TSC22D2: variants seen among roughly 807,000 people sequenced by gnomAD.
The protein encoded by TSC22D2 is TSC22 domain family protein 2.
Under a neutral mutation model 50.1 loss-of-function variants are expected in TSC22D2, and 5 were observed. The ratio of observed to expected loss-of-function variants is 0.10; its 90% CI spans 0.05 to 0.21. The LOEUF (loss-of-function observed/expected upper bound fraction) is 0.21, where lower values mean the gene tolerates loss of function less well. TSC22D2 is among the 10% of genes least tolerant of loss of function. The probability of loss-of-function intolerance (pLI) is 1.00; values close to 1 mark genes in which losing one functional copy is unlikely to be tolerated. For missense variants in TSC22D2, 1,003 were observed against 1,015.5 expected, an observed-to-expected ratio of 0.99 and a Z score of 0.17; for synonymous variants, 501 against 450.1, an observed-to-expected ratio of 1.11 and a Z score of -1.43.
chr3:150,435,806 A>G (rs1478452525), intron 1 of TSC22D2, among the ~76,000 whole-genome samples: 2 of 152,162 alleles, frequency 1.3e-5, no homozygotes, highest in Non-Finnish European at 2.9e-5. Context: ...TTATTTTAAT[A>G]TAGTTTCACC....
chr3:150,447,428 A>G (rs1720919604), intron 1 of TSC22D2, among the ~76,000 whole-genome samples: 2 of 152,184 alleles, frequency 1.3e-5, no homozygotes, highest in Non-Finnish European at 2.9e-5. Context: ...TAGGCCAGAG[A>G]TTACTCTGGA....
At chr3:150,437,987 A>G (rs1051907894) in intron 1 of TSC22D2, among the ~76,000 whole-genome samples, 5 of 152,068 alleles carry the variant, frequency 3.3e-5, no homozygotes, top group Non-Finnish European at 5.9e-5. Flanking sequence ...TTCCATTTCT[A>G]CTTTACTCTT....
Position 150,461,820 on chromosome 3 carries a change from T to C in TSC22D2, c.*3184T>C, listed in dbSNP as rs1233650129. 1 of 151,136 alleles carries C rather than the reference T, an allele frequency of 6.6e-6. No homozygotes were observed. Among genetic ancestry groups the C allele is most frequent in the African/African-American group, 2.4e-5 (1 of 41,070 alleles). 9.4% of individuals were successfully genotyped at this position (151,136 alleles called of 1,614,324 possible). On this transcript the variant is annotated 3_prime_UTR_variant, in exon 3 of 3. Coordinates refer to ENST00000688009, the MANE Select transcript of TSC22D2 (RefSeq NM_001303264.2). ...AGGTGAATGATTATATTTCTCCAAG[T>C]TGCAAACTCCAGTAATTCATGGACC...
Position 150,459,784 on chromosome 3 carries a change from G to A in TSC22D2, c.*1148G>A, listed in dbSNP as rs1721329003. 6.8e-6 allele frequency: 1 copy of A among 147,028 alleles called. No individual in the cohort carries two copies. The highest frequency in any genetic ancestry group is 1.5e-5 in the Non-Finnish European group (1 of 67,240). 9.1% of individuals were successfully genotyped at this position (147,028 alleles called of 1,614,324 possible). A position where few individuals can be genotyped will look rare whatever the true frequency, so the allele number is the denominator to read the frequency against. On this transcript the variant is annotated 3_prime_UTR_variant, in exon 3 of 3. Transcript: ENST00000688009. ...AATGTCAAATAAAAGAGAACGAACAGGTAGTTTGGTGGAGCTGAGCTAGTG... is the reference window on the plus strand; with the variant it reads ...AATGTCAAATAAAAGAGAACGAACAAGTAGTTTGGTGGAGCTGAGCTAGTG...
intron 1 of TSC22D2, among the ~76,000 whole-genome samples, chr3:150,450,085 G>A (rs1720997089): frequency 1.3e-5 from 2 of 152,068 alleles, no homozygotes; most frequent in African/African-American, 4.8e-5. Context: ...TGATAAGACT[G>A]ACTCTAGACA....
At position 150,458,461 on chromosome 3, in the gene TSC22D2, A is replaced by T. The variant is rs1721264267; in HGVS notation, c.2096A>T (p.Asn699Ile). The T allele has an allele frequency of 6.2e-7, 1 of 1,613,916 alleles. No homozygotes were observed. Among genetic ancestry groups the T allele is most frequent in the Non-Finnish European group, 8.5e-7 (1 of 1,179,988 alleles). Residue 699 changes from asparagine (N) to isoleucine (I), a missense_variant, in exon 3 of 3, where the codon AAC (asparagine) becomes ATC (isoleucine). Asn to Ile is a moderately radical substitution (Grantham distance 149). Coordinates refer to ENST00000688009, the MANE Select transcript of TSC22D2 (RefSeq NM_001303264.2). ...CAAATAAAAGAATTAGTTGAAAGAA[A>T]CTCTTTACTTGAACGAGAAAATGCA... ...KEQIKELVERNSLLERENALL... is the reference protein window; with the variant it reads ...KEQIKELVERISLLERENALL...
rs1213915463 is a variant in TSC22D2 at position 150,466,030 on chromosome 3, T to G, written c.*7394T>G. On this transcript the variant is annotated 3_prime_UTR_variant, in exon 3 of 3. Coordinates refer to ENST00000688009, the MANE Select transcript of TSC22D2 (RefSeq NM_001303264.2). ...AAAACCAAAATACTCATCAAGAGGA[T>G]GGACTATGGTACACATGATGAAGTA... The G allele has an allele frequency of 6.6e-6, 1 of 152,114 alleles. No individual in the cohort carries two copies. Among genetic ancestry groups the G allele is most frequent in the Non-Finnish European group, 1.5e-5 (1 of 68,020 alleles). 9.4% of individuals were successfully genotyped at this position (152,114 alleles called of 1,614,324 possible).
Position 150,458,801 on chromosome 3 carries a change from A to G in TSC22D2, c.*165A>G, listed in dbSNP as rs746309198. 98 of 828,852 alleles carry G rather than the reference A, an allele frequency of 1.2e-4. No homozygotes were observed. The highest frequency in any genetic ancestry group is 1.8e-4 in the Non-Finnish European group (95 of 534,556). The allele number at this position is 828,852 out of a possible 1,614,324, so 51.3% of individuals were successfully genotyped here. ...TACAAGAGCTTTTCCTCTCTCTGAG[A>G]TGTCATGCAGCGCTGTTGATGTCCA... On this transcript the variant is annotated 3_prime_UTR_variant, in exon 3 of 3. Coordinates refer to ENST00000688009, the MANE Select transcript of TSC22D2 (RefSeq NM_001303264.2).
Position 150,409,358 on chromosome 3 carries a change from A to G in TSC22D2, c.8A>G (p.Lys3Arg), listed in dbSNP as rs778837353. 5 of 1,597,364 alleles carry G rather than the reference A, an allele frequency of 3.1e-6. No individual in the cohort carries two copies. In the Admixed American group the frequency reaches 8.5e-5, roughly 27 times the overall value. Residue 3 changes from lysine to arginine, a missense_variant, in exon 1 of 3, where the codon AAG (lysine) becomes AGG (arginine). By Grantham distance (26) the Lys-to-Arg change is conservative. Around this residue, in one of 6 missense-constraint regions of TSC22D2, gnomAD observed 17 missense variants for 34.4 expected, o/e 0.49. Transcript: ENST00000688009. This position sits in a 1 kb window ranked among gnomAD's most constrained non-coding sequence, Gnocchi z 7.4. MSKMPAKKKSCFQ... is the reference protein window; with the variant it reads MSRMPAKKKSCFQ... ...CCTCCAGCCTTCTTCACCATGTCCAAGATGCCGGCCAAGAAGAAGAGCTGC... is the reference window on the plus strand; with the variant it reads ...CCTCCAGCCTTCTTCACCATGTCCAGGATGCCGGCCAAGAAGAAGAGCTGC...
intron 1 of TSC22D2, among the ~76,000 whole-genome samples, chr3:150,438,888 T>C (rs946230642): frequency 1.2e-4 from 18 of 152,192 alleles, no homozygotes; most frequent in African/African-American, 4.3e-4. Flanking sequence ...ATGAAAATGA[T>C]ATATTAGAAG....
intron 1 of TSC22D2, among the ~76,000 whole-genome samples, chr3:150,417,055 C>G (rs1162877790): frequency 1.3e-5 from 2 of 151,976 alleles, no homozygotes; most frequent in African/African-American, 4.8e-5. Flanking sequence ...TAGTGTTTGC[C>G]TGGGACATAT....
chr3:150,409,563 G>T lies in TSC22D2; in HGVS notation c.213G>T (p.Thr71=), dbSNP rs372515184. The stretch of plus-strand genomic sequence containing the variant: ...GCGAGCGCAGCTCTTCCGAAGAGAC[G>T]CTTAACAATGTTGGGGATGCGGAGA... ...EVCERSSSEE[T]LNNVGDAETP... is the part of the protein sequence containing the mutation. Residue 71 remains threonine (T), a synonymous_variant, in exon 1 of 3, where the codon ACG becomes ACT. Transcript: ENST00000688009. This position sits in a 1 kb window ranked among gnomAD's most constrained non-coding sequence, Gnocchi z 7.4. 3 of 1,601,232 alleles carry T rather than the reference G, an allele frequency of 1.9e-6. No homozygotes were observed. The highest frequency in any genetic ancestry group is 3.3e-5 in the Admixed American group (2 of 59,726).
chr3:150,434,810 A>C (rs1397416357), intron 1 of TSC22D2, among the ~76,000 whole-genome samples: 1 of 151,700 alleles, frequency 6.6e-6, no homozygotes, highest in Non-Finnish European at 1.5e-5. Flanking sequence ...ACATGTACTT[A>C]TGCTTATATA....
rs550786400 is a variant in TSC22D2 at position 150,423,962 on chromosome 3, A to G, written c.1958+12654A>G. Among the ~76,000 whole-genome samples, 9 of 152,280 alleles carry G rather than the reference A, an allele frequency of 5.9e-5. No individual in the cohort carries two copies. The South Asian group carries it at 1.0e-3, about 18-fold the overall frequency. ...GCATAGTTTTGGATAACACTCATGA[A>G]CTCAACTCCATCTCTTTCATTAGAA... On this transcript the variant is annotated intron_variant, in intron 1 of 2. Coordinates refer to ENST00000688009, the MANE Select transcript of TSC22D2 (RefSeq NM_001303264.2).
rs1447727386 is a variant in TSC22D2 at position 150,464,083 on chromosome 3, G to A, written c.*5447G>A. On this transcript the variant is annotated 3_prime_UTR_variant, in exon 3 of 3. Coordinates refer to ENST00000688009, the MANE Select transcript of TSC22D2 (RefSeq NM_001303264.2). ...AAAAACAACTGAATTTTAAAACAAGGCAAATGCCACAGTTCAACTTCTCCA... is the reference window on the plus strand; with the variant it reads ...AAAAACAACTGAATTTTAAAACAAGACAAATGCCACAGTTCAACTTCTCCA... 1 of 152,068 alleles carries A rather than the reference G, an allele frequency of 6.6e-6. No homozygotes were observed. The highest frequency in any genetic ancestry group is 2.4e-5 in the African/African-American group (1 of 41,402). 9.4% of individuals were successfully genotyped at this position (152,068 alleles called of 1,614,324 possible).
At chr3:150,442,085 G>A (rs985518981) in intron 1 of TSC22D2, among the ~76,000 whole-genome samples, 2 of 152,210 alleles carry the variant, frequency 1.3e-5, no homozygotes, top group South Asian at 2.1e-4. Flanking sequence ...AGTCCTTGTC[G>A]TTTAAGTTTT....
rs996728057 is a variant in TSC22D2, at chr3:150,459,221, A to AAAG, written c.*588_*590dup. The stretch of plus-strand genomic sequence containing the variant: ...AAAACGTTTAGGCAATAATTGAACA[A>AAAG]AAGAATCCTGGCATATTTCTAACAC... On this transcript the variant is annotated 3_prime_UTR_variant, in exon 3 of 3. Transcript: ENST00000688009. 1.3e-5 allele frequency: 2 copies of AAAG among 152,688 alleles called. No homozygotes were observed. Among genetic ancestry groups the AAAG allele is most frequent in the Admixed American group, 1.3e-4 (2 of 15,282 alleles). 9.5% of individuals were successfully genotyped at this position (152,688 alleles called of 1,614,324 possible).
intron 1 of TSC22D2, among the ~76,000 whole-genome samples, chr3:150,421,071 GA>G (rs758521031): frequency 1.3e-5 from 2 of 152,186 alleles, no homozygotes; most frequent in Non-Finnish European, 2.9e-5. Context: ...CGACAAGAGT[GA>G]AACTCTGTCT....
rs1339982693 is a variant in TSC22D2 at position 150,409,849 on chromosome 3, C to T, written c.499C>T (p.Leu167=). ...TAGTTCCCGTTTTCGCGTGATCAAGCTGGACCACGGGAGCGGAGAGCCCTA... is the reference window on the plus strand; with the variant it reads ...TAGTTCCCGTTTTCGCGTGATCAAGTTGGACCACGGGAGCGGAGAGCCCTA... ...TCSSRFRVIK[L]DHGSGEPYRR... The change falls in exon 1 of 3, where the codon CTG becomes TTG. Residue 167 remains leucine (L), a synonymous_variant. Transcript: ENST00000688009. This position sits in a 1 kb window ranked among gnomAD's most constrained non-coding sequence, Gnocchi z 7.4. 3 of 1,609,210 alleles carry T rather than the reference C, an allele frequency of 1.9e-6. No individual in the cohort carries two copies. In the African/African-American group the frequency reaches 4.0e-5, roughly 21 times the overall value.
Sources: gnomAD v4.1 joint callset for allele counts (sites outside exome capture counted in the v4.1 genomes callset) on GRCh38, gnomAD v4.1.1 for gene constraint, gnomAD v4.1.1 regional missense constraint, Gnocchi (gnomAD v3.1) non-coding constraint, MANE v1.5 for transcripts, NCBI Gene and HGNC (gene_info 2026-07-23, HGNC 2026-07-21) for gene names.